The following MUSK variants were observed in gnomAD, a reference collection of about 807,000 sequenced individuals.
The protein encoded by MUSK is muscle associated receptor tyrosine kinase.
A neutral mutation model predicts 88.7 loss-of-function variants in MUSK; 55 were observed. That is an observed-to-expected ratio of 0.62 (90% CI 0.50 to 0.78). MUSK has a LOEUF of 0.78. MUSK is among the 30% of genes least tolerant of loss of function. MUSK has a pLI of 0.00. For missense variants in MUSK, 1,015 were observed against 1,074.3 expected (o/e 0.94, Z 0.77); for synonymous variants, 387 against 391.9 (o/e 0.99, Z 0.15).
At chr9:110,765,124 T>A (rs1445237883) in intron 8 of MUSK, among the ~76,000 whole-genome samples, 3 of 152,186 alleles carry the variant, frequency 2.0e-5, no homozygotes, top group African/African-American at 7.2e-5. Context: ...GGAAACATCA[T>A]GAAATGTCTA....
chr9:110,701,543 A>G (rs2076500030), intron 5 of MUSK, among the ~76,000 whole-genome samples: 1 of 151,806 alleles, frequency 6.6e-6, no homozygotes, highest in Admixed American at 6.6e-5. Flanking sequence ...CTGGAGTGCA[A>G]TGGCACAATC....
chr9:110,787,128 C>T (rs527706378), intron 13 of MUSK, among the ~76,000 whole-genome samples: 68 of 152,070 alleles, frequency 4.5e-4, no homozygotes, highest in African/African-American at 1.5e-3. Context: ...TTTGGGAGGC[C>T]GAGGTGGTCA....
In MUSK at chr9:110,802,417, T is replaced by C. The variant is rs1001494945; in HGVS notation, c.*1429T>C. ...CAGTCTACTCTATACCAGCTTATCT[T>C]AATTCAGACTAATTGGTAGTTAGGG... On this transcript the variant is annotated 3_prime_UTR_variant, in exon 15 of 15. Coordinates refer to ENST00000374448, the MANE Select transcript of MUSK (RefSeq NM_005592.4). Among the ~76,000 whole-genome samples the C allele has an allele frequency of 2.0e-5, 3 of 152,216 alleles. No individual in the cohort carries two copies. Among genetic ancestry groups the C allele is most frequent in the African/African-American group, 7.2e-5 (3 of 41,466 alleles).
At chr9:110,750,695 C>T (rs1362982953) in intron 7 of MUSK, among the ~76,000 whole-genome samples, 1 of 152,154 alleles carries the variant, frequency 6.6e-6, no homozygotes, top group Non-Finnish European at 1.5e-5. Flanking sequence ...TTTGGGCTTG[C>T]TAACTCAGTT....
chr9:110,702,125 G>A (rs73538008), intron 5 of MUSK, among the ~76,000 whole-genome samples: 3,816 of 151,608 alleles, frequency 0.025, 170 homozygotes, highest in African/African-American at 0.088. Context: ...CAATATAACA[G>A]ACAAGATAAT....
At chr9:110,778,238 G>A (rs2077699966) in intron 11 of MUSK, among the ~76,000 whole-genome samples, 1 of 151,930 alleles carries the variant, frequency 6.6e-6, no homozygotes, top group African/African-American at 2.4e-5. Flanking sequence ...AATTTCTTTG[G>A]CTGAAGTGAA....
At chr9:110,682,578 T>C in intron 1 of MUSK, 96 bp from the exon 2 acceptor site, 1 of 1,228,268 alleles carries the variant, frequency 8.1e-7, no homozygotes, top group Non-Finnish European at 1.1e-6. Flanking sequence ...GGAAACAGAA[T>C]TCTCATTCAG....
At chr9:110,758,547 A>G (rs982706906) in intron 7 of MUSK, among the ~76,000 whole-genome samples, 1 of 152,216 alleles carries the variant, frequency 6.6e-6, no homozygotes, top group African/African-American at 2.4e-5. Context: ...CCTATTCAAC[A>G]TAGTACTAGA....
At chr9:110,776,091 T>G (rs1225156587) in intron 10 of MUSK, 128 bp downstream of exon 10, 5 of 869,960 alleles carry the variant, frequency 5.7e-6, no homozygotes, top group Non-Finnish European at 8.9e-6. Flanking sequence ...AGTTCTGCCT[T>G]CCTTAGATAC....
At chr9:110,683,566 A>G (rs2076158691) in intron 2 of MUSK, among the ~76,000 whole-genome samples, 1 of 152,128 alleles carries the variant, frequency 6.6e-6, no homozygotes, top group Admixed American at 6.6e-5. Flanking sequence ...ACTATTCTCC[A>G]TAGTGGTTGT....
intron 7 of MUSK, among the ~76,000 whole-genome samples, chr9:110,753,929 A>T (rs1223765870): frequency 1.3e-5 from 2 of 152,198 alleles, no homozygotes; most frequent in African/African-American, 2.4e-5. Flanking sequence ...GACATGTTTC[A>T]TGCTCTTTCT....
intron 3 of MUSK, among the ~76,000 whole-genome samples, chr9:110,694,252 G>A (rs1188193176): frequency 4.7e-5 from 7 of 150,176 alleles, no homozygotes; most frequent in Non-Finnish European, 4.4e-5. Flanking sequence ...CGGGTGTGGT[G>A]GTGGGCGCCT....
At position 110,804,095 on chromosome 9, in the gene MUSK, T is replaced by C. The variant is rs2078129145; in HGVS notation, c.*3107T>C. 6.6e-6 allele frequency among the ~76,000 whole-genome samples: 1 copy of C among 152,232 alleles called. No homozygotes were observed. Among genetic ancestry groups the C allele is most frequent in the African/African-American group, 2.4e-5 (1 of 41,468 alleles). ...TATATTACGAACCTGTTCCACGTCA[T>C]TAAATATTCTTCTAAAAACCCAATT... On this transcript the variant is annotated 3_prime_UTR_variant, in exon 15 of 15. Transcript: ENST00000374448.
At position 110,738,724 on chromosome 9, in the gene MUSK, A is replaced by G. The variant is rs995124432; in HGVS notation, c.753+4349A>G. On this transcript the variant is annotated intron_variant, in intron 6 of 14. Transcript: ENST00000374448. ...GGAGGAGCAATAACTGGTGCAAGAGAGCTCTAATTCAACTGATGCACTTGT... is the reference window on the plus strand; with the variant it reads ...GGAGGAGCAATAACTGGTGCAAGAGGGCTCTAATTCAACTGATGCACTTGT... Among the ~76,000 whole-genome samples, 4 of 152,262 alleles carry G rather than the reference A, an allele frequency of 2.6e-5. No homozygotes were observed. In the South Asian group the frequency reaches 6.2e-4, roughly 24 times the overall value.
chr9:110,764,754 G>T (rs1004970624), intron 8 of MUSK, among the ~76,000 whole-genome samples: 1 of 151,998 alleles, frequency 6.6e-6, no homozygotes, highest in South Asian at 2.1e-4. Context: ...ATGAAATGTA[G>T]AAAACTAATA....
intron 6 of MUSK, among the ~76,000 whole-genome samples, chr9:110,745,890 A>G (rs2077169929): frequency 6.6e-6 from 1 of 152,238 alleles, no homozygotes; most frequent in Non-Finnish European, 1.5e-5. Flanking sequence ...ACAAACGTTC[A>G]CTGCATGATT....
At chr9:110,698,393 T>C (rs143322786) in intron 5 of MUSK, among the ~76,000 whole-genome samples, 210 of 152,324 alleles carry the variant, frequency 1.4e-3, no homozygotes, top group African/African-American at 4.9e-3. Flanking sequence ...GATTGATAAG[T>C]GTTAGAGTAT....
chr9:110,750,274 T>A (rs2077231003), intron 7 of MUSK, among the ~76,000 whole-genome samples: 1 of 152,154 alleles, frequency 6.6e-6, no homozygotes, highest in Non-Finnish European at 1.5e-5. Context: ...TCCCTTTTCT[T>A]CCTTCTTTCT....
intron 8 of MUSK, among the ~76,000 whole-genome samples, chr9:110,764,736 T>C (rs1249204593): frequency 2.6e-5 from 4 of 152,102 alleles, no homozygotes; most frequent in Non-Finnish European, 5.9e-5. Context: ...TCCAGGAACA[T>C]CATAGAAATG....
Sources: gnomAD v4.1 joint callset for allele counts (sites outside exome capture counted in the v4.1 genomes callset) on GRCh38, gnomAD v4.1.1 for gene constraint, MANE v1.5 for transcripts, NCBI Gene and HGNC (gene_info 2026-07-23, HGNC 2026-07-21) for gene names.